Variants in TAF4B observed in about 807,000 individuals in gnomAD.
The protein encoded by TAF4B is transcription initiation factor TFIID subunit 4B.
TAF4B carries 38 observed loss-of-function variants against 86.4 expected under a neutral mutation model. The observed-to-expected ratio is 0.44, with a 90% CI of 0.34 to 0.58. The LOEUF (loss-of-function observed/expected upper bound fraction) is 0.58. TAF4B is among the 20% of genes least tolerant of loss of function. The pLI is 0.02. For missense variants in TAF4B, 988 were observed against 1,027.6 expected, an observed-to-expected ratio of 0.96 and a Z score of 0.53; for synonymous variants, 388 against 391.2, an observed-to-expected ratio of 0.99 and a Z score of 0.10.
intron 5 of TAF4B, 48 bp from the exon 6 acceptor site, chr18:26,281,923 T>A: frequency 7.2e-7 from 1 of 1,387,932 alleles, no homozygotes; most frequent in Non-Finnish European, 1.0e-6. Context: ...TTGTCTCTTT[T>A]AAAAGATTTG....
At chr18:26,245,387 G>C (rs781775698) in intron 1 of TAF4B, among the ~76,000 whole-genome samples, 1 of 152,104 alleles carries the variant, frequency 6.6e-6, no homozygotes, top group Non-Finnish European at 1.5e-5. Context: ...GTGGTAGCAA[G>C]GTTTACTGTG....
At chr18:26,246,987 T>C (rs1189506853) in intron 1 of TAF4B, among the ~76,000 whole-genome samples, 1 of 152,158 alleles carries the variant, frequency 6.6e-6, no homozygotes, top group African/African-American at 2.4e-5. Context: ...TGCCTCAGCC[T>C]CCCGAGTAGC....
intron 1 of TAF4B, among the ~76,000 whole-genome samples, chr18:26,259,990 A>T (rs1373439158): frequency 6.6e-6 from 1 of 152,108 alleles, no homozygotes; most frequent in African/African-American, 2.4e-5. Flanking sequence ...CTGGTGTGAG[A>T]TGGTATCTCA....
intron 1 of TAF4B, among the ~76,000 whole-genome samples, chr18:26,262,357 G>A (rs2056181886): frequency 6.6e-6 from 1 of 152,134 alleles, no homozygotes; most frequent in South Asian, 2.1e-4. Context: ...GAGCTGAGAA[G>A]GGAAAGAGAG....
At chr18:26,257,290 G>A (rs961305551) in intron 1 of TAF4B, among the ~76,000 whole-genome samples, 4 of 152,152 alleles carry the variant, frequency 2.6e-5, no homozygotes, top group East Asian at 1.9e-4. Context: ...GTTACATCGT[G>A]TTGATCTGTT....
chr18:26,313,603 C>T (rs576883555), intron 9 of TAF4B, among the ~76,000 whole-genome samples: 69 of 151,854 alleles, frequency 4.5e-4, no homozygotes, highest in African/African-American at 1.6e-3. Context: ...GTATACTGTT[C>T]ATGTAAGACC....
At chr18:26,251,339 A>G (rs935099524) in intron 1 of TAF4B, among the ~76,000 whole-genome samples, 1 of 152,220 alleles carries the variant, frequency 6.6e-6, no homozygotes, top group Non-Finnish European at 1.5e-5. Flanking sequence ...GATGAATTCT[A>G]GCATCTTTAA....
rs563026178 is a variant in TAF4B, at chr18:26,319,249, T to C, written c.2003-1821T>C. ...GCTTACACCTGTAATCCCAGCACTT[T>C]GGGAAGCTGAGGCGGGCAGATCACT... On this transcript the variant is annotated intron_variant, in intron 10 of 14. Coordinates refer to ENST00000269142, the MANE Select transcript of TAF4B (RefSeq NM_005640.3). Among the ~76,000 whole-genome samples the C allele has an allele frequency of 4.9e-4, 74 of 151,536 alleles. 1 individual carries two copies. Among genetic ancestry groups the C allele is most frequent in the African/African-American group, 1.7e-3 (71 of 41,264 alleles).
rs546347240 is a variant in TAF4B, at chr18:26,265,260, C to G, written c.434C>G (p.Thr145Ser). The change falls in exon 2 of 15, where the codon ACC becomes AGC. Residue 145 changes from threonine (T) to serine (S), a missense_variant. Around this residue, in one of 3 missense-constraint regions of TAF4B, gnomAD observed 747 missense variants for 737.9 expected, o/e 1.01. Transcript: ENST00000269142. ...AGAGCCGAGACCACAAGTAACATAA[C>G]CTCAAGGCCAGCAGTACCAGCGAAT... ...VTRAETTSNI[T>S]SRPAVPANPQ... 6.2e-7 allele frequency: 1 copy of G among 1,614,100 alleles called. No homozygotes were observed. Among genetic ancestry groups the G allele is most frequent in the South Asian group, 1.1e-5 (1 of 91,082 alleles).
At chr18:26,277,873 CTTAT>C (rs895100331) in intron 5 of TAF4B, among the ~76,000 whole-genome samples, 2 of 152,112 alleles carry the variant, frequency 1.3e-5, no homozygotes, top group Non-Finnish European at 2.9e-5. Context: ...ATTCACCAAC[CTTAT>C]TAGAAAATTC....
At chr18:26,317,385 A>G (rs368754337) in intron 10 of TAF4B, among the ~76,000 whole-genome samples, 1 of 152,188 alleles carries the variant, frequency 6.6e-6, no homozygotes, top group East Asian at 1.9e-4. Flanking sequence ...TGATAGAAAA[A>G]TTTTTGGCAT....
chr18:26,311,163 T>TG (rs1468105550), intron 9 of TAF4B, among the ~76,000 whole-genome samples: 5 of 152,140 alleles, frequency 3.3e-5, no homozygotes, highest in African/African-American at 1.2e-4. Context: ...GCAAATACAT[T>TG]GATTAGAAAA....
Position 26,304,480 on chromosome 18 carries a change from A to G in TAF4B, c.1833-10749A>G, listed in dbSNP as rs115705692. ...CTTTTAGAAGTAAAAAATGTAGTCA[A>G]TAAATCTAAAACTTTGTGGGACAGG... is the stretch of plus-strand genomic sequence containing the variant. On this transcript the variant is annotated intron_variant, in intron 9 of 14. Coordinates refer to ENST00000269142, the MANE Select transcript of TAF4B (RefSeq NM_005640.3). 4.3e-3 allele frequency among the ~76,000 whole-genome samples: 654 copies of G among 152,346 alleles called. 3 individuals are homozygous for G. Among genetic ancestry groups the G allele is most frequent in the African/African-American group, 0.015 (624 of 41,576 alleles).
At chr18:26,331,526 A>G (rs2057050299) in intron 12 of TAF4B, among the ~76,000 whole-genome samples, 2 of 152,216 alleles carry the variant, frequency 1.3e-5, no homozygotes, top group Non-Finnish European at 2.9e-5. Context: ...CAATATGTCC[A>G]AAACAGCTCC....
In TAF4B at chr18:26,256,495, C is replaced by G; in HGVS notation, c.344-8675C>G. 5 of 610,980 alleles carry G rather than the reference C, an allele frequency of 8.2e-6. No individual in the cohort carries two copies. The South Asian group carries it at 1.0e-4, about 12-fold the overall frequency. The allele number at this position is 610,980 out of a possible 1,614,324, so 37.8% of individuals were successfully genotyped here. ...TTGTTGATTTTTCTCAGTTGTTTTTCTATTCTCTATTTGCCCCTGCTCTTA... is the reference window on the plus strand; with the variant it reads ...TTGTTGATTTTTCTCAGTTGTTTTTGTATTCTCTATTTGCCCCTGCTCTTA... On this transcript the variant is annotated intron_variant, in intron 1 of 14. Transcript: ENST00000269142.
chr18:26,351,924 G>A (rs1484331501), intron 13 of TAF4B, among the ~76,000 whole-genome samples: 1 of 152,038 alleles, frequency 6.6e-6, no homozygotes, highest in Non-Finnish European at 1.5e-5. Context: ...ATATGGCCAA[G>A]GTTTTTCTAT....
intron 2 of TAF4B, 22 bp from the exon 3 acceptor site, chr18:26,267,494 C>G (rs1199879686): frequency 6.5e-7 from 1 of 1,541,450 alleles, no homozygotes; most frequent in Non-Finnish European, 9.0e-7. Context: ...TTTGTGTTAT[C>G]TTGCTCCCCT....
rs1232035142 is a variant in TAF4B at position 26,279,435 on chromosome 18, A to G, written c.883-2536A>G. On this transcript the variant is annotated intron_variant, in intron 5 of 14. Coordinates refer to ENST00000269142, the MANE Select transcript of TAF4B (RefSeq NM_005640.3). ...ACTGCCCAAAGCAATTGACAGATTCAATGTTACTCCTGTCAAACTACCAAT... is the reference window on the plus strand; with the variant it reads ...ACTGCCCAAAGCAATTGACAGATTCGATGTTACTCCTGTCAAACTACCAAT... Among the ~76,000 whole-genome samples, 4 of 152,136 alleles carry G rather than the reference A, an allele frequency of 2.6e-5. No individual in the cohort carries two copies. The South Asian group carries it at 6.2e-4, about 24-fold the overall frequency.
chr18:26,370,961 A>G (rs970509985), intron 14 of TAF4B, among the ~76,000 whole-genome samples: 10 of 152,160 alleles, frequency 6.6e-5, no homozygotes, highest in African/African-American at 2.4e-4. Context: ...GCTAGAGTGG[A>G]TTTATCATGT....
Sources: allele counts gnomAD v4.1 joint callset (sites outside exome capture counted in the v4.1 genomes callset), GRCh38; gene constraint gnomAD v4.1.1; regional missense constraint gnomAD v4.1.1; transcripts MANE v1.5; gene names NCBI Gene and HGNC (gene_info 2026-07-23, HGNC 2026-07-21).